Variants in ESR1 observed in about 807,000 individuals in gnomAD.
ESR1 encodes estrogen receptor.
In ESR1, 12 loss-of-function variants were observed where a neutral mutation model predicts 52.7. The observed-to-expected ratio is 0.23, with a 90% CI of 0.15 to 0.37. ESR1 has a LOEUF of 0.37. Ranked by LOEUF, ESR1 falls within the 10% of genes least tolerant of loss-of-function variation. The pLI is 1.00. For missense variants in ESR1, 584 were observed against 779.7 expected, an observed-to-expected ratio of 0.75 and a Z score of 2.99; for synonymous variants, 305 against 316.8, an observed-to-expected ratio of 0.96 and a Z score of 0.39.
chr6:151,785,887 AG>A (rs1427648437), intron 2 of ESR1, among the ~76,000 whole-genome samples: 11 of 152,318 alleles, frequency 7.2e-5, no homozygotes, highest in African/African-American at 2.6e-4. Flanking sequence ...TTGAGTGTGA[AG>A]GAGGGGTTAA....
chr6:151,939,454 A>G (rs1259943258), intron 3 of ESR1, among the ~76,000 whole-genome samples: 1 of 152,190 alleles, frequency 6.6e-6, no homozygotes, highest in East Asian at 1.9e-4. Context: ...TTGAATTTCA[A>G]TTATCCATGC....
chr6:151,947,763 T>G (rs1047288231), intron 4 of ESR1, among the ~76,000 whole-genome samples: 1 of 152,180 alleles, frequency 6.6e-6, no homozygotes, highest in African/African-American at 2.4e-5. Flanking sequence ...CTGGTAGACC[T>G]GGATAAAGAT....
At chr6:151,917,606 C>G (rs1277170407) in intron 3 of ESR1, among the ~76,000 whole-genome samples, 1 of 152,092 alleles carries the variant, frequency 6.6e-6, no homozygotes, top group Non-Finnish European at 1.5e-5. Context: ...GGCCTTGACT[C>G]TTGGTTTTCT....
intron 4 of ESR1, among the ~76,000 whole-genome samples, chr6:151,966,712 G>T (rs74493226): frequency 0.021 from 3,206 of 151,844 alleles, 41 homozygotes; most frequent in Middle Eastern, 0.051. Flanking sequence ...AATCTATTTT[G>T]CTAATAGTAC....
chr6:152,027,081 C>T (rs1000954429), intron 5 of ESR1, among the ~76,000 whole-genome samples: 1 of 151,982 alleles, frequency 6.6e-6, no homozygotes, highest in African/African-American at 2.4e-5. Context: ...ATTCTCCTGC[C>T]TCAGCCTCCC....
chr6:151,988,568 C>T (rs746730889), intron 4 of ESR1, among the ~76,000 whole-genome samples: 1 of 151,826 alleles, frequency 6.6e-6, no homozygotes, highest in Non-Finnish European at 1.5e-5. Flanking sequence ...TGGGGCCTTT[C>T]GGAGGGTGGA....
chr6:152,123,525 G>A (rs1232169234), intron 6 of ESR1, among the ~76,000 whole-genome samples: 1 of 152,278 alleles, frequency 6.6e-6, no homozygotes, highest in East Asian at 1.9e-4. Context: ...TCTTAAGAAG[G>A]ACTGCCTGGA....
At chr6:151,907,763 A>T (rs1377202227) in intron 3 of ESR1, among the ~76,000 whole-genome samples, 4 of 152,180 alleles carry the variant, frequency 2.6e-5, no homozygotes, top group Non-Finnish European at 4.4e-5. Context: ...GGGCCAAAAG[A>T]TAGGTACTTT....
At chr6:151,951,683 AC>A (rs2036341164) in intron 4 of ESR1, among the ~76,000 whole-genome samples, 1 of 152,212 alleles carries the variant, frequency 6.6e-6, no homozygotes, top group South Asian at 2.1e-4. Flanking sequence ...TTCCATTCTC[AC>A]TTTTCCCATC....
At chr6:152,041,880 A>T (rs1487978044) in intron 5 of ESR1, among the ~76,000 whole-genome samples, 3 of 152,230 alleles carry the variant, frequency 2.0e-5, no homozygotes, top group African/African-American at 7.2e-5. Context: ...ATGGTTGCAT[A>T]CCAGGTACCA....
intron 6 of ESR1, among the ~76,000 whole-genome samples, chr6:152,084,655 C>T (rs1487137901): frequency 1.3e-5 from 2 of 149,490 alleles, no homozygotes; most frequent in African/African-American, 5.0e-5. Context: ...CTTTGCCTGG[C>T]CAAAACAAAA....
intron 4 of ESR1, among the ~76,000 whole-genome samples, 190 bp from the exon 5 acceptor site, chr6:152,011,466 A>C (rs970699444): frequency 2.0e-5 from 3 of 152,188 alleles, no homozygotes; most frequent in Non-Finnish European, 4.4e-5. Flanking sequence ...ACTTAATGCC[A>C]CATTGAAATT....
chr6:151,734,922 C>T (rs1394604674), intron 2 of ESR1, among the ~76,000 whole-genome samples: 2 of 151,968 alleles, frequency 1.3e-5, no homozygotes, highest in Admixed American at 6.6e-5. Context: ...ACCCCACCTC[C>T]AACCTTCAAA....
chr6:152,012,050 A>T (rs199514854), intron 5 of ESR1, among the ~76,000 whole-genome samples: 8 of 138,686 alleles, frequency 5.8e-5, no homozygotes, highest in Admixed American at 3.6e-4. Context: ...ACACACACTC[A>T]CACTCTCTCT....
At chr6:151,741,127 T>C (rs959467197) in intron 2 of ESR1, among the ~76,000 whole-genome samples, 11 of 152,264 alleles carry the variant, frequency 7.2e-5, no homozygotes, top group African/African-American at 2.4e-4. Flanking sequence ...CATAGCAATG[T>C]CCATTTTCTA....
intron 3 of ESR1, among the ~76,000 whole-genome samples, chr6:151,883,850 G>A (rs192163150): frequency 5.9e-5 from 9 of 152,184 alleles, no homozygotes; most frequent in East Asian, 3.9e-4. Context: ...GCCTTTTCTC[G>A]GGGCATCCAC....
rs9340803 is a variant in ESR1, at chr6:151,842,832, A to G, written c.643+45A>G. 576 of 1,556,050 alleles carry G rather than the reference A, an allele frequency of 3.7e-4. 3 individuals are homozygous for G. In the East Asian group the frequency reaches 9.5e-3, roughly 26 times the overall value. On this transcript the variant is annotated intron_variant, in intron 2 of 7. Transcript: ENST00000206249. The stretch of plus-strand genomic sequence containing the variant: ...GACTTCTATTTTTGATCCTATGAGC[A>G]GATCCTAAGAGCCAAAGCGACTGAG...
At chr6:151,899,420 G>A (rs1200756369) in intron 3 of ESR1, among the ~76,000 whole-genome samples, 1 of 138,480 alleles carries the variant, frequency 7.2e-6, no homozygotes, top group Non-Finnish European at 1.6e-5. Flanking sequence ...CCCAGTAGGG[G>A]CGGCTGGGCA....
At chr6:151,945,375 T>C (rs543509497) in intron 4 of ESR1, among the ~76,000 whole-genome samples, 1 of 152,356 alleles carries the variant, frequency 6.6e-6, no homozygotes, top group South Asian at 2.1e-4. Context: ...TAAATTAAGG[T>C]ATCATCCCTG....
Sources: allele counts gnomAD v4.1 joint callset (sites outside exome capture counted in the v4.1 genomes callset), GRCh38; gene constraint gnomAD v4.1.1; transcripts MANE v1.5; gene names NCBI Gene and HGNC (gene_info 2026-07-23, HGNC 2026-07-21).